The following GPD2 variants were observed in gnomAD, a reference collection of about 807,000 sequenced individuals.
GPD2 encodes the protein glycerol-3-phosphate dehydrogenase 2.
A neutral mutation model predicts 82.4 loss-of-function variants in GPD2; 54 were observed. The observed-to-expected ratio is 0.66, with a 90% CI of 0.53 to 0.82. The LOEUF (loss-of-function observed/expected upper bound fraction) is 0.82. Ranked by LOEUF, GPD2 falls within the 40% of genes least tolerant of loss-of-function variation. GPD2 has a pLI of 0.00. For synonymous variants in GPD2, 288 were observed against 306.1 expected (o/e 0.94, Z 0.62); for missense variants, 748 against 896.2 (o/e 0.83, Z 2.11).
At chr2:156,468,683 T>C (rs1157549367) in intron 1 of GPD2, among the ~76,000 whole-genome samples, 1 of 152,190 alleles carries the variant, frequency 6.6e-6, no homozygotes. Flanking sequence ...TTTTATTTAT[T>C]TTTAATTTCT....
chr2:156,427,590 TAA>T, the GPD2 span, among the ~76,000 whole-genome samples: 1 of 152,238 alleles, frequency 6.6e-6, no homozygotes, highest in Admixed American at 6.5e-5. Flanking sequence ...CATTCTGAAT[TAA>T]AGACATCCTA....
chr2:156,477,303 A>G (rs897624122), intron 2 of GPD2, among the ~76,000 whole-genome samples: 5 of 152,106 alleles, frequency 3.3e-5, no homozygotes, highest in Non-Finnish European at 5.9e-5. Flanking sequence ...GTGATGGTGT[A>G]CATCTGTAGT....
At chr2:156,437,621 T>G (rs947720650) in intron 1 of GPD2, among the ~76,000 whole-genome samples, 1 of 152,206 alleles carries the variant, frequency 6.6e-6, no homozygotes, top group Non-Finnish European at 1.5e-5. Context: ...AATATTTTAA[T>G]GAATAAATGG....
the GPD2 span, among the ~76,000 whole-genome samples, chr2:156,406,314 T>C: frequency 6.6e-6 from 1 of 152,172 alleles, no homozygotes; most frequent in East Asian, 1.9e-4. Context: ...ATGCAGCAAT[T>C]TTTCCTGGAA....
chr2:156,508,702 C>T (rs1363650900), intron 3 of GPD2, among the ~76,000 whole-genome samples: 2 of 152,162 alleles, frequency 1.3e-5, no homozygotes, highest in Non-Finnish European at 2.9e-5. Context: ...TGAAAGTCAA[C>T]TCCCTCGTCT....
At chr2:156,426,492 A>G in the GPD2 span, among the ~76,000 whole-genome samples, 1 of 152,210 alleles carries the variant, frequency 6.6e-6, no homozygotes, top group Non-Finnish European at 1.5e-5. Flanking sequence ...CTCCCTTAAC[A>G]CATGGGAATT....
chr2:156,426,742 A>G, the GPD2 span, among the ~76,000 whole-genome samples: 6 of 152,156 alleles, frequency 3.9e-5, no homozygotes, highest in Non-Finnish European at 1.5e-5. Context: ...ATATAGAGAG[A>G]ACAAACTGGA....
chr2:156,419,009 T>G, the GPD2 span, among the ~76,000 whole-genome samples: 1 of 151,098 alleles, frequency 6.6e-6, no homozygotes, highest in Non-Finnish European at 1.5e-5. Flanking sequence ...CAGTTCAGCA[T>G]GTCAACTTGC....
intron 6 of GPD2, among the ~76,000 whole-genome samples, chr2:156,545,877 CCTAT>C (rs1339644265): frequency 2.0e-5 from 3 of 152,132 alleles, no homozygotes; most frequent in Non-Finnish European, 2.9e-5. Context: ...ATATTTGAGG[CCTAT>C]CTTTTAGACA....
chr2:156,543,328 G>T (rs767663543), intron 6 of GPD2, among the ~76,000 whole-genome samples: 3 of 152,126 alleles, frequency 2.0e-5, no homozygotes, highest in Non-Finnish European at 4.4e-5. Flanking sequence ...ATTCATATTT[G>T]AATATCTGCT....
the GPD2 span, among the ~76,000 whole-genome samples, chr2:156,400,831 G>C: frequency 1.3e-5 from 2 of 152,136 alleles, no homozygotes; most frequent in Non-Finnish European, 2.9e-5. Context: ...TTCAATCCCC[G>C]GCATCTCCAA....
chr2:156,564,678 T>C (rs1485736076), intron 9 of GPD2, among the ~76,000 whole-genome samples: 3 of 152,118 alleles, frequency 2.0e-5, no homozygotes, highest in Admixed American at 2.0e-4. Flanking sequence ...CTGTTGTAGA[T>C]AACCTGATCC....
At chr2:156,441,859 C>T (rs1682186716) in intron 1 of GPD2, among the ~76,000 whole-genome samples, 1 of 152,178 alleles carries the variant, frequency 6.6e-6, no homozygotes, top group African/African-American at 2.4e-5. Flanking sequence ...AAAACCCATA[C>T]ATTTGGTGTC....
the GPD2 span, among the ~76,000 whole-genome samples, chr2:156,427,248 A>T: frequency 6.6e-6 from 1 of 152,358 alleles, no homozygotes; most frequent in East Asian, 1.9e-4. Flanking sequence ...CAGGAGCTGG[A>T]GAAATAAGTT....
intron 2 of GPD2, among the ~76,000 whole-genome samples, chr2:156,476,453 T>C (rs568847889): frequency 1.3e-5 from 2 of 152,240 alleles, no homozygotes; most frequent in African/African-American, 2.4e-5. Context: ...CTCTTTGGTT[T>C]TTAAAAGACT....
intron 1 of GPD2, among the ~76,000 whole-genome samples, chr2:156,448,269 G>A (rs2126459): frequency 0.58 from 87,406 of 151,806 alleles, 25,462 homozygotes; most frequent in East Asian, 0.77. Flanking sequence ...CACCATGCCC[G>A]GCTAATTGTT....
chr2:156,470,182 ATCTTTT>A (rs894705229), intron 1 of GPD2, among the ~76,000 whole-genome samples: 41 of 151,968 alleles, frequency 2.7e-4, no homozygotes, highest in African/African-American at 8.9e-4. Flanking sequence ...TTTGCATGGA[ATCTTTT>A]TCTTTTTCTT....
chr2:156,442,827 TAAAAAG>T (rs1295428684), intron 1 of GPD2, among the ~76,000 whole-genome samples: 1 of 151,998 alleles, frequency 6.6e-6, no homozygotes, highest in Non-Finnish European at 1.5e-5. Flanking sequence ...TAAAAAATAA[TAAAAAG>T]AAAGGATGTT....
chr2:156,442,038 ATTGT>A (rs1382941483), intron 1 of GPD2, among the ~76,000 whole-genome samples: 1 of 152,134 alleles, frequency 6.6e-6, no homozygotes, highest in African/African-American at 2.4e-5. Context: ...TAGAACAATG[ATTGT>A]TTGATTTAGA....
Sources: gnomAD v4.1 joint callset for allele counts (sites outside exome capture counted in the v4.1 genomes callset) on GRCh38, gnomAD v4.1.1 for gene constraint, MANE v1.5 for transcripts, NCBI Gene and HGNC (gene_info 2026-07-23, HGNC 2026-07-21) for gene names.